MON2: variants seen among roughly 807,000 people sequenced by gnomAD.
MON2 encodes protein MON2 homolog.
Under a neutral mutation model 208.6 loss-of-function variants are expected in MON2, and 84 were observed. The ratio of observed to expected loss-of-function variants is 0.40; its 90% CI spans 0.34 to 0.48. MON2 has a LOEUF of 0.48. MON2 is among the 20% of genes least tolerant of loss of function. MON2 has a pLI of 0.59. For missense variants in MON2, 1,611 were observed against 2,015.4 expected, an observed-to-expected ratio of 0.80 and a Z score of 3.84; for synonymous variants, 660 against 694.0, an observed-to-expected ratio of 0.95 and a Z score of 0.77.
intron 21 of MON2, among the ~76,000 whole-genome samples, chr12:62,546,529 G>A (rs945445338): frequency 2.6e-5 from 4 of 152,126 alleles, no homozygotes; most frequent in South Asian, 2.1e-4. Context: ...CAAGGTGGGC[G>A]GATCACCTGA....
chr12:62,543,396 T>A (rs570416232), intron 20 of MON2, among the ~76,000 whole-genome samples, 198 bp downstream of exon 20: 4 of 152,314 alleles, frequency 2.6e-5, no homozygotes, highest in East Asian at 1.9e-4. Context: ...TGGTTGCTTT[T>A]ATTGGCTGAA....
chr12:62,585,109 ACAAAACAAAAAAAAAC>A (rs2075173117), intron 32 of MON2, among the ~76,000 whole-genome samples, 169 bp from the exon 33 acceptor site: 1 of 53,196 alleles, frequency 1.9e-5, no homozygotes, highest in Non-Finnish European at 3.9e-5. Flanking sequence ...ACACACACAC[ACAAAACAAAAAAAAAC>A]AAAAAAAAAA....
In MON2 at chr12:62,477,257, T is replaced by G. The variant is rs560233876; in HGVS notation, c.112-6913T>G. On this transcript the variant is annotated intron_variant, in intron 1 of 34. Coordinates refer to ENST00000393630, the MANE Select transcript of MON2 (RefSeq NM_015026.3). ...AAAGTAACCTTTTAAATAACTTTTT[T>G]TGTGTGTGTAAATCTATACATAGTT... 7.3e-4 allele frequency among the ~76,000 whole-genome samples: 111 copies of G among 152,302 alleles called. 1 individual carries two copies. Among genetic ancestry groups the G allele is most frequent in the Non-Finnish European group, 1.3e-3 (89 of 68,020 alleles).
chr12:62,521,954 A>G (rs2136174721), intron 8 of MON2, among the ~76,000 whole-genome samples: 1 of 152,362 alleles, frequency 6.6e-6, no homozygotes, highest in Non-Finnish European at 1.5e-5. Context: ...GCACTTTGGA[A>G]GGCCAAGGCG....
At chr12:62,534,747 T>C in intron 12 of MON2, 98 bp from the exon 13 acceptor site, 1 of 792,878 alleles carries the variant, frequency 1.3e-6, no homozygotes, top group Non-Finnish European at 2.1e-6. Context: ...AATGGAATAT[T>C]TGACATATTG....
At chr12:62,561,371 TG>T (rs928864330) in intron 26 of MON2, among the ~76,000 whole-genome samples, 7 of 152,160 alleles carry the variant, frequency 4.6e-5, no homozygotes, top group African/African-American at 1.4e-4. Context: ...CCAGGATTTT[TG>T]GTTTGTCCAC....
intron 22 of MON2, 84 bp downstream of exon 22, chr12:62,547,156 G>A (rs2073522793): frequency 2.0e-6 from 2 of 982,496 alleles, no homozygotes. Context: ...AAAAGTGATA[G>A]AGGTAGAGAA....
intron 23 of MON2, among the ~76,000 whole-genome samples, chr12:62,552,298 C>CAT (rs1565676734): frequency 1.3e-5 from 2 of 152,032 alleles, no homozygotes; most frequent in African/African-American, 2.4e-5. Flanking sequence ...AAGCATGTTG[C>CAT]ATATATGATT....
chr12:62,532,472 A>G lies in MON2; in HGVS notation c.1435A>G (p.Ile479Val), dbSNP rs1307110015. The G allele has an allele frequency of 1.9e-6, 3 of 1,614,130 alleles. No individual in the cohort carries two copies. Among genetic ancestry groups the G allele is most frequent in the South Asian group, 2.2e-5 (2 of 91,084 alleles). ...EMLDKVEPPT[I>V]PEGYAMSVAF... ...GTTGGACAAAGTTGAGCCTCCAACT[A>G]TACCTGAAGGTTACGCCATGTCTGT... The change falls in exon 12 of 35, where the codon ATA becomes GTA. Residue 479 changes from isoleucine (I) to valine (V), a missense_variant. Transcript: ENST00000393630.
intron 22 of MON2, among the ~76,000 whole-genome samples, chr12:62,549,302 T>C (rs984448337): frequency 6.6e-6 from 1 of 152,056 alleles, no homozygotes; most frequent in African/African-American, 2.4e-5. Flanking sequence ...TTGTAAGATA[T>C]GTATTTTTAC....
chr12:62,495,173 A>C, intron 4 of MON2, 26 bp downstream of exon 4: 1 of 1,580,548 alleles, frequency 6.3e-7, no homozygotes, highest in East Asian at 2.3e-5. Flanking sequence ...GCCAGAGTTC[A>C]TATGTGCTTT....
chr12:62,534,533 AAAAAAAAAAATAT>A (rs1211905520), intron 12 of MON2, among the ~76,000 whole-genome samples: 861 of 43,638 alleles, frequency 0.02, 15 homozygotes, highest in African/African-American at 0.033. Context: ...AAAAAAAAAA[AAAAAAAAAAATAT>A]ATATATATAT....
chr12:62,473,659 T>TC (rs1350938508), intron 1 of MON2, among the ~76,000 whole-genome samples: 1 of 152,132 alleles, frequency 6.6e-6, no homozygotes, highest in African/African-American at 2.4e-5. Flanking sequence ...AGCCTCTGTC[T>TC]CCCAGGCTCA....
intron 24 of MON2, among the ~76,000 whole-genome samples, chr12:62,554,013 A>G (rs1274313135): frequency 6.6e-6 from 1 of 152,168 alleles, no homozygotes; most frequent in Non-Finnish European, 1.5e-5. Context: ...GTGAAACCCC[A>G]TATCTATTAT....
chr12:62,467,515 T>C (rs2068576076), intron 1 of MON2, among the ~76,000 whole-genome samples, 197 bp downstream of exon 1: 1 of 152,200 alleles, frequency 6.6e-6, no homozygotes, highest in Non-Finnish European at 1.5e-5. Flanking sequence ...TTCTCCCCTC[T>C]CCTGTCCTCC....
At chr12:62,501,952 T>C (rs2070856528) in intron 7 of MON2, among the ~76,000 whole-genome samples, 1 of 151,966 alleles carries the variant, frequency 6.6e-6, no homozygotes, top group African/African-American at 2.4e-5. Context: ...CTGGGCGCGG[T>C]GGCTCACCCC....
At position 62,592,744 on chromosome 12, in the gene MON2, T is replaced by C; in HGVS notation, c.5149T>C (p.Ser1717Pro). ...AGCATCCAGAGTTCAAAATGGAGAA[T>C]CTTGACCGGCTACAATATATTTGAA... The part of the protein sequence containing the change: ...PPASRVQNGE[S>P] The change falls in exon 35 of 35, where the codon TCT becomes CCT. Residue 1717 changes from serine (S) to proline (P), a missense_variant. Coordinates refer to ENST00000393630, the MANE Select transcript of MON2 (RefSeq NM_015026.3). 1 of 1,589,788 alleles carries C rather than the reference T, an allele frequency of 6.3e-7. No homozygotes were observed. Among genetic ancestry groups the C allele is most frequent in the Non-Finnish European group, 8.6e-7 (1 of 1,161,954 alleles).
chr12:62,501,619 G>T lies in MON2; in HGVS notation c.710G>T (p.Gly237Val), dbSNP rs1249798376. 1 of 1,614,032 alleles carries T rather than the reference G, an allele frequency of 6.2e-7. No homozygotes were observed. Among genetic ancestry groups the T allele is most frequent in the Non-Finnish European group, 8.5e-7 (1 of 1,179,924 alleles). ...VNADAPYWLV[G>V]MTEMTRTFGL... Reference sequence around the variant, plus strand: ...GCTGATGCTCCTTATTGGCTAGTGGGCATGACAGAAATGACTCGGACGTTT... The same window carrying T: ...GCTGATGCTCCTTATTGGCTAGTGGTCATGACAGAAATGACTCGGACGTTT... Residue 237 changes from glycine (G) to valine (V), a missense_variant, in exon 7 of 35, where the codon GGC becomes GTC. Gly to Val is a moderately radical substitution (Grantham distance 109, BLOSUM62 -3). Transcript: ENST00000393630.
At chr12:62,468,198 G>A (rs1267650049) in intron 1 of MON2, among the ~76,000 whole-genome samples, 1 of 150,160 alleles carries the variant, frequency 6.7e-6, no homozygotes, top group Non-Finnish European at 1.5e-5. Context: ...AAACAGGCCC[G>A]GCTAATTTTG....
Sources: allele counts gnomAD v4.1 joint callset (sites outside exome capture counted in the v4.1 genomes callset), GRCh38; gene constraint gnomAD v4.1.1; transcripts MANE v1.5; gene names NCBI Gene and HGNC (gene_info 2026-07-23, HGNC 2026-07-21).